Variants in LONP2 observed in about 807,000 individuals in gnomAD.
LONP2 encodes lon peptidase 2, peroxisomal.
LONP2 carries 60 observed loss-of-function variants against 85.6 expected under a neutral mutation model. That is an observed-to-expected ratio of 0.70 (90% CI 0.57 to 0.87). The LOEUF is 0.87. Among genes scored for constraint, LONP2 ranks in the 40% least tolerant of loss-of-function variants. The pLI, the probability that LONP2 is intolerant of heterozygous loss-of-function variation, is 0.00. For synonymous variants in LONP2, 395 were observed against 389.7 expected, an observed-to-expected ratio of 1.01 and a Z score of -0.16; for missense variants, 860 against 1,063.5, an observed-to-expected ratio of 0.81 and a Z score of 2.66.
rs903832532 is a variant in LONP2, at chr16:48,362,691, T to C, written c.*828T>C. The C allele has an allele frequency of 2.7e-6, 1 of 376,326 alleles. No individual in the cohort carries two copies. The highest frequency in any genetic ancestry group is 3.3e-5 in the South Asian group (1 of 30,444). The allele number at this position is 376,326 out of a possible 1,614,324, so 23.3% of individuals were successfully genotyped here. ...TGGAACTCCCTTAATCGTCTTTGGA[T>C]AGACTACATAGAATAATAAATGCTA... On this transcript the variant is annotated 3_prime_UTR_variant, in exon 5 of 5. Transcript: ENST00000565867. This position sits in a 1 kb window ranked among gnomAD's most constrained non-coding sequence, Gnocchi z 4.2.
At chr16:48,255,465 T>G (rs1275495440) in intron 2 of LONP2, among the ~76,000 whole-genome samples, 1 of 152,226 alleles carries the variant, frequency 6.6e-6, no homozygotes, top group Non-Finnish European at 1.5e-5. Flanking sequence ...AGTTTGTCAG[T>G]AGCCCTAATG....
intron 14 of LONP2, among the ~76,000 whole-genome samples, chr16:48,349,983 C>T (rs1960088573): frequency 1.3e-5 from 2 of 150,696 alleles, no homozygotes; most frequent in South Asian, 4.2e-4. Flanking sequence ...CCAGGCGTGG[C>T]AGCTGACGTC....
At chr16:48,269,660 A>G (rs1370732635) in intron 6 of LONP2, among the ~76,000 whole-genome samples, 1 of 152,176 alleles carries the variant, frequency 6.6e-6, no homozygotes, top group African/African-American at 2.4e-5. Context: ...GAATGAACAT[A>G]TGTTACTACT....
At chr16:48,249,791 G>T (rs1008296412) in intron 1 of LONP2, among the ~76,000 whole-genome samples, 1 of 152,144 alleles carries the variant, frequency 6.6e-6, no homozygotes, top group African/African-American at 2.4e-5. Flanking sequence ...AGCAATTAAG[G>T]CATGTATACA....
At chr16:48,264,524 G>A (rs1173947264) in intron 6 of LONP2, among the ~76,000 whole-genome samples, 2 of 152,016 alleles carry the variant, frequency 1.3e-5, no homozygotes, top group African/African-American at 4.8e-5. Flanking sequence ...CTTTTTCCAC[G>A]GTGCTCAGAT....
chr16:48,285,943 T>A (rs978476589), intron 8 of LONP2, among the ~76,000 whole-genome samples: 1 of 152,108 alleles, frequency 6.6e-6, no homozygotes, highest in Admixed American at 6.5e-5. Flanking sequence ...CAATTCCCTG[T>A]TTCTTTCTCC....
At chr16:48,257,688 T>G (rs1971787732) in intron 3 of LONP2, among the ~76,000 whole-genome samples, 1 of 152,256 alleles carries the variant, frequency 6.6e-6, no homozygotes, top group Non-Finnish European at 1.5e-5. Flanking sequence ...CTTTCATATG[T>G]TATCAGTTTA....
intron 11 of LONP2, among the ~76,000 whole-genome samples, chr16:48,327,051 C>T (rs1463490398): frequency 6.6e-6 from 1 of 152,258 alleles, no homozygotes; most frequent in Non-Finnish European, 1.5e-5. Flanking sequence ...TTCGGGGGTA[C>T]ACCGCATTTC....
At chr16:48,258,356 A>G (rs929447745) in intron 3 of LONP2, among the ~76,000 whole-genome samples, 66 of 145,862 alleles carry the variant, frequency 4.5e-4, no homozygotes, top group African/African-American at 4.1e-4. Flanking sequence ...AAAAAAAAAA[A>G]GAAAAAAAAA....
chr16:48,291,402 A>G (rs1972554408), intron 8 of LONP2, among the ~76,000 whole-genome samples: 1 of 152,244 alleles, frequency 6.6e-6, no homozygotes, highest in Admixed American at 6.5e-5. Context: ...AACTCTATGT[A>G]ATCTATTCCT....
rs548108149 is a variant in LONP2 at position 48,341,789 on chromosome 16, A to G, written c.1939-5718A>G. On this transcript the variant is annotated intron_variant, in intron 12 of 14. Coordinates refer to ENST00000285737, the MANE Select transcript of LONP2 (RefSeq NM_031490.5). ...TAAAAATAAAGGTTACTACAAAAAA[A>G]GTGGGGAGGAGCAGGAGTGGGTGCA... 3.3e-4 allele frequency among the ~76,000 whole-genome samples: 50 copies of G among 152,218 alleles called. 1 individual carries two copies. The highest frequency in any genetic ancestry group is 1.3e-3 in the Admixed American group (20 of 15,292).
Position 48,308,424 on chromosome 16 carries a change from T to C in LONP2, c.1795+5119T>C, listed in dbSNP as rs538082997. On this transcript the variant is annotated intron_variant, in intron 11 of 14. Coordinates refer to ENST00000285737, the MANE Select transcript of LONP2 (RefSeq NM_031490.5). ...GGTGGATCACTTGAGGTCAGGAGTCTGAGACCAACCTGGCCAAAATGGTGA... is the reference window on the plus strand; with the variant it reads ...GGTGGATCACTTGAGGTCAGGAGTCCGAGACCAACCTGGCCAAAATGGTGA... Among the ~76,000 whole-genome samples the C allele has an allele frequency of 4.6e-5, 7 of 152,084 alleles. No individual in the cohort carries two copies. In the South Asian group the frequency reaches 1.5e-3, roughly 32 times the overall value.
intron 6 of LONP2, among the ~76,000 whole-genome samples, chr16:48,265,406 T>G (rs1971969520): frequency 6.6e-6 from 1 of 152,222 alleles, no homozygotes. Context: ...TGGTGTCATA[T>G]AAGGGTTCAA....
At chr16:48,289,968 G>C (rs1972526046) in intron 8 of LONP2, among the ~76,000 whole-genome samples, 1 of 151,938 alleles carries the variant, frequency 6.6e-6, no homozygotes, top group Non-Finnish European at 1.5e-5. Flanking sequence ...TGATAATTTT[G>C]CTTGAAAATT....
chr16:48,254,466 C>T (rs1037828306), intron 2 of LONP2, among the ~76,000 whole-genome samples: 3 of 151,318 alleles, frequency 2.0e-5, no homozygotes, highest in Admixed American at 6.6e-5. Context: ...CGGGTTCAAG[C>T]GATTCTCCTG....
chr16:48,321,169 G>A (rs1227433903), intron 11 of LONP2, among the ~76,000 whole-genome samples: 2 of 152,148 alleles, frequency 1.3e-5, no homozygotes, highest in East Asian at 3.8e-4. Flanking sequence ...ACAGGCGTGA[G>A]CCACCGCGCC....
intron 11 of LONP2, among the ~76,000 whole-genome samples, chr16:48,329,832 C>T (rs1448151717): frequency 6.6e-6 from 1 of 152,174 alleles, no homozygotes; most frequent in African/African-American, 2.4e-5. Context: ...TTAGATATGC[C>T]ATGGTTTACT....
chr16:48,294,516 T>G (rs1156740301), intron 8 of LONP2, among the ~76,000 whole-genome samples: 1 of 152,182 alleles, frequency 6.6e-6, no homozygotes, highest in Non-Finnish European at 1.5e-5. Context: ...CTGTAATCCC[T>G]GCACTTTGGG....
intron 1 of LONP2, chr16:48,247,229 A>G (rs1971448378): frequency 6.6e-6 from 1 of 152,004 alleles, no homozygotes; most frequent in Non-Finnish European, 1.5e-5. Context: ...AAAAAAAAAA[A>G]AAAAAAAGGC....
Sources: gnomAD v4.1 joint callset for allele counts (sites outside exome capture counted in the v4.1 genomes callset) on GRCh38, gnomAD v4.1.1 for gene constraint, Gnocchi (gnomAD v3.1) non-coding constraint, MANE v1.5 for transcripts, NCBI Gene and HGNC (gene_info 2026-07-23, HGNC 2026-07-21) for gene names.